The following GPR15LG variants were observed in gnomAD, a reference collection of about 807,000 sequenced individuals.
GPR15LG encodes the protein protein GPR15LG.
At chr10:84,173,978 T>C in the GPR15LG span, 2 of 1,348,610 alleles carry the variant, frequency 1.5e-6, no homozygotes, top group Non-Finnish European at 2.1e-6. Context: ...CTGGGAAGAC[T>C]CTGATCAGGA....
chr10:84,174,480 CT>C, the GPR15LG span, among the ~76,000 whole-genome samples: 1 of 139,898 alleles, frequency 7.1e-6, no homozygotes. Context: ...CTCTCTTGCC[CT>C]TTTTTCTTTT....
chr10:84,179,049 T>C, the GPR15LG span, among the ~76,000 whole-genome samples: 53 of 152,286 alleles, frequency 3.5e-4, no homozygotes, highest in Middle Eastern at 3.4e-3. Flanking sequence ...CAGAAAGTGT[T>C]CTGTAGCCGG....
the GPR15LG span, among the ~76,000 whole-genome samples, chr10:84,181,255 T>C: frequency 2.0e-5 from 3 of 151,558 alleles, no homozygotes; most frequent in Non-Finnish European, 2.9e-5. Flanking sequence ...TTTTTTTTTT[T>C]TTAAGTAGAG....
chr10:84,175,859 T>C, the GPR15LG span, among the ~76,000 whole-genome samples: 1 of 151,860 alleles, frequency 6.6e-6, no homozygotes, highest in Admixed American at 6.6e-5. Context: ...ATAAAGTATG[T>C]CCTTTATTCA....
At chr10:84,176,547 C>T in the GPR15LG span, 1 of 1,613,918 alleles carries the variant, frequency 6.2e-7, no homozygotes, top group Non-Finnish European at 8.5e-7. Flanking sequence ...GAGTCCCTAG[C>T]CCCAACTCAA....
At chr10:84,175,888 CT>C in the GPR15LG span, among the ~76,000 whole-genome samples, 2 of 151,274 alleles carry the variant, frequency 1.3e-5, no homozygotes, top group Non-Finnish European at 2.9e-5. Context: ...TTCTTTTTTT[CT>C]TTTTTTTATT....
chr10:84,179,798 C>A, the GPR15LG span, among the ~76,000 whole-genome samples: 2 of 150,566 alleles, frequency 1.3e-5, no homozygotes, highest in African/African-American at 4.9e-5. Context: ...GTCAATGGGA[C>A]AAAAACATCT....
chr10:84,173,997 A>AGGGCAGGCCTTGGC, the GPR15LG span: 84 of 1,192,850 alleles, frequency 7.0e-5, no homozygotes, highest in African/African-American at 8.5e-4. Flanking sequence ...GATTTGTTGG[A>AGGGCAGGCCTTGGC]GGGCAGGCCT....
chr10:84,174,188 T>C, the GPR15LG span, among the ~76,000 whole-genome samples: 5 of 152,218 alleles, frequency 3.3e-5, no homozygotes, highest in African/African-American at 7.2e-5. Flanking sequence ...CAAACACACA[T>C]ACAACCTCTC....
the GPR15LG span, chr10:84,185,081 T>C: frequency 8.4e-7 from 1 of 1,190,318 alleles, no homozygotes; most frequent in Non-Finnish European, 1.0e-6. Context: ...AGACCATCAA[T>C]CCTGCTAGAG....
the GPR15LG span, among the ~76,000 whole-genome samples, chr10:84,180,847 G>C: frequency 6.6e-6 from 1 of 152,382 alleles, no homozygotes; most frequent in Admixed American, 6.5e-5. Flanking sequence ...CACCTCGGGA[G>C]GCCGAGGCTG....
chr10:84,184,973 C>A, the GPR15LG span: 1 of 1,408,274 alleles, frequency 7.1e-7, no homozygotes, highest in Non-Finnish European at 9.2e-7. Context: ...CTATCATGAG[C>A]CAACCTCACC....
the GPR15LG span, among the ~76,000 whole-genome samples, chr10:84,178,182 T>C: frequency 6.8e-6 from 1 of 147,558 alleles, no homozygotes; most frequent in African/African-American, 2.5e-5. Flanking sequence ...ACCACACAAC[T>C]ACACACACAG....
chr10:84,183,871 CCT>C, the GPR15LG span, among the ~76,000 whole-genome samples: 4 of 152,048 alleles, frequency 2.6e-5, no homozygotes, highest in African/African-American at 9.7e-5. Flanking sequence ...TTCTTGAACC[CCT>C]GGGCTTAAGT....
chr10:84,185,028 C>A, the GPR15LG span: 8 of 1,306,790 alleles, frequency 6.1e-6, no homozygotes, highest in Non-Finnish European at 6.8e-6. Flanking sequence ...CCAGTGCAAA[C>A]CACCGAGCAT....
chr10:84,184,424 C>T, the GPR15LG span, among the ~76,000 whole-genome samples: 1 of 152,228 alleles, frequency 6.6e-6, no homozygotes, highest in Non-Finnish European at 1.5e-5. Flanking sequence ...GATCAGCCAC[C>T]TTCTCTTCCT....
chr10:84,184,556 A>AT, the GPR15LG span: 631 of 1,025,532 alleles, frequency 6.2e-4, no homozygotes, highest in Non-Finnish European at 7.6e-4. Flanking sequence ...CTTGCTTTGA[A>AT]ATTTTTTTTT....
At chr10:84,175,035 C>A in the GPR15LG span, among the ~76,000 whole-genome samples, 3 of 152,212 alleles carry the variant, frequency 2.0e-5, no homozygotes, top group African/African-American at 7.2e-5. Context: ...AATTGATGTA[C>A]CTATATGTTC....
At chr10:84,176,490 T>C in the GPR15LG span, 1 of 1,613,482 alleles carries the variant, frequency 6.2e-7, no homozygotes, top group Non-Finnish European at 8.5e-7. Flanking sequence ...GGAAGAGGCG[T>C]CCTGCCAAGG....
Sources: allele counts gnomAD v4.1 joint callset (sites outside exome capture counted in the v4.1 genomes callset), GRCh38; gene constraint gnomAD v4.1.1; transcripts MANE v1.5; gene names NCBI Gene and HGNC (gene_info 2026-07-23, HGNC 2026-07-21).